The following TXNDC9 variants were observed in gnomAD, a reference collection of about 807,000 sequenced individuals.
TXNDC9 encodes thioredoxin domain containing 9, also known as thioredoxin domain-containing protein 9.
Under a neutral mutation model 23.0 loss-of-function variants are expected in TXNDC9, and 7 were observed. The ratio of observed to expected loss-of-function variants is 0.30; its 90% confidence interval spans 0.17 to 0.57. TXNDC9 has a LOEUF of 0.57. Ranked by LOEUF, TXNDC9 falls within the 20% of genes least tolerant of loss-of-function variation. TXNDC9 has a pLI of 0.90. For synonymous variants in TXNDC9, 72 were observed against 90.6 expected, an observed-to-expected ratio of 0.79 and a Z score of 1.17; for missense variants, 198 against 252.6, an observed-to-expected ratio of 0.78 and a Z score of 1.47.
chr2:99,306,689 T>C, the TXNDC9 span: 1 of 403,554 alleles, frequency 2.5e-6, no homozygotes, highest in Non-Finnish European at 5.1e-6. Context: ...ATCCAGCCGA[T>C]CATCTCTCCC....
At chr2:99,309,240 G>A in the TXNDC9 span, among the ~76,000 whole-genome samples, 1 of 151,550 alleles carries the variant, frequency 6.6e-6, no homozygotes, top group Non-Finnish European at 1.5e-5. Context: ...GGGCGTGGTG[G>A]CACACGATTG....
the TXNDC9 span, among the ~76,000 whole-genome samples, chr2:99,312,579 C>T: frequency 6.6e-6 from 1 of 151,426 alleles, no homozygotes; most frequent in Non-Finnish European, 1.5e-5. Flanking sequence ...AGAGAGGTGG[C>T]ACTACTGTGA....
the TXNDC9 span, among the ~76,000 whole-genome samples, chr2:99,310,544 TATGTA>T: frequency 6.6e-6 from 1 of 152,198 alleles, no homozygotes; most frequent in East Asian, 1.9e-4. Context: ...CCCTGGAACC[TATGTA>T]CATGTTAAGT....
intron 3 of TXNDC9, 28 bp downstream of exon 3, chr2:99,327,507 A>G (rs1293082989): frequency 6.7e-7 from 1 of 1,500,872 alleles, no homozygotes. Flanking sequence ...GTTTTTTTAG[A>G]AAAAGTCACA....
rs778993325 is a variant in TXNDC9 at position 99,333,101 on chromosome 2, T to C, written c.110A>G (p.Asp37Gly). Residue 37 changes from aspartate (D) to glycine (G), a missense_variant, in exon 2 of 5, where the codon GAT becomes GGT. Physicochemically the swap from Asp to Gly is moderately conservative, Grantham distance 94 (BLOSUM62 -1). Coordinates refer to ENST00000264255, the MANE Select transcript of TXNDC9 (RefSeq NM_005783.4). ...EHLDSEIQKLDQMDEDELERL... is the reference protein window; with the variant it reads ...EHLDSEIQKLGQMDEDELERL... ...TTCCAATTCATCCTCATCCATCTGA[T>C]CCAGTTTTTGAATTTCAGAATCCAA... 56 of 1,614,058 alleles carry C rather than the reference T, an allele frequency of 3.5e-5. No homozygotes were observed. The highest frequency in any genetic ancestry group is 4.6e-5 in the Non-Finnish European group (54 of 1,180,030).
chr2:99,307,161 C>T, the TXNDC9 span, among the ~76,000 whole-genome samples: 1 of 141,938 alleles, frequency 7.0e-6, no homozygotes, highest in Admixed American at 7.2e-5. Context: ...TTACCTAACC[C>T]ACATTCCCAG....
chr2:99,308,945 G>A, the TXNDC9 span, among the ~76,000 whole-genome samples: 7 of 151,984 alleles, frequency 4.6e-5, no homozygotes, highest in East Asian at 3.9e-4. Flanking sequence ...CTCGTGATCC[G>A]CCCGCCTCGG....
At chr2:99,318,729 T>A (rs2094195113), downstream of TXNDC9, among the ~76,000 whole-genome samples, 1 of 152,202 alleles carries the variant, frequency 6.6e-6, no homozygotes, top group Non-Finnish European at 1.5e-5. Context: ...ATTCTCAGTC[T>A]GATATTCCTG....
At chr2:99,322,764 AT>A in intron 3 of TXNDC9, 1 of 1,345,722 alleles carries the variant, frequency 7.4e-7, no homozygotes. Context: ...TAACTTTTTT[AT>A]TTTTTATTTT....
Position 99,327,078 on chromosome 2 carries a change from T to C in TXNDC9, c.308+457A>G, listed in dbSNP as rs577261281. The stretch of plus-strand genomic sequence containing the variant: ...TTTAAAATAACAATTAACTTTTTTT[T>C]TCTTTCTTTTTTGAGATGGAGTCTC... On this transcript the variant is annotated intron_variant, in intron 3 of 4. Transcript: ENST00000264255. Among the ~76,000 whole-genome samples the C allele has an allele frequency of 2.1e-3, 321 of 152,318 alleles. 3 individuals are homozygous for C. The highest frequency in any genetic ancestry group is 7.4e-3 in the African/African-American group (308 of 41,564).
At chr2:99,308,515 T>C in the TXNDC9 span, among the ~76,000 whole-genome samples, 6 of 152,252 alleles carry the variant, frequency 3.9e-5, no homozygotes, top group East Asian at 9.6e-4. Context: ...ACTATTTTAA[T>C]TTTAGGCCTG....
downstream of TXNDC9, among the ~76,000 whole-genome samples, chr2:99,314,676 GCA>G (rs2094184573): frequency 6.6e-6 from 1 of 150,848 alleles, no homozygotes; most frequent in South Asian, 2.1e-4. Context: ...TACTACAGGC[GCA>G]TGCCACCACG....
chr2:99,333,292 A>G, intron 1 of TXNDC9, 50 bp from the exon 2 acceptor site: 1 of 1,463,732 alleles, frequency 6.8e-7, no homozygotes, highest in East Asian at 2.5e-5. Context: ...AACAATAAGC[A>G]AGGTTTTCTC....
At chr2:99,315,097 C>T (rs1384773453), downstream of TXNDC9, among the ~76,000 whole-genome samples, 1 of 148,734 alleles carries the variant, frequency 6.7e-6, no homozygotes, top group African/African-American at 2.5e-5. Flanking sequence ...GAGTCTCACT[C>T]TGTCACCCAG....
chr2:99,327,777 TTTTG>T (rs1369406103), intron 2 of TXNDC9, 124 bp from the exon 3 acceptor site: 94 of 595,100 alleles, frequency 1.6e-4, no homozygotes, highest in Admixed American at 9.3e-4. Context: ...AAAGTTTTTT[TTTTG>T]TTTGTTTTTG....
At chr2:99,314,672 A>G (rs1242290165), downstream of TXNDC9, among the ~76,000 whole-genome samples, 3 of 151,118 alleles carry the variant, frequency 2.0e-5, no homozygotes, top group South Asian at 2.1e-4. Context: ...CTGGTACTAC[A>G]GGCGCATGCC....
downstream of TXNDC9, among the ~76,000 whole-genome samples, chr2:99,315,317 G>A (rs917163786): frequency 1.3e-5 from 2 of 152,024 alleles, no homozygotes; most frequent in East Asian, 1.9e-4. Context: ...TGCCCGCCTT[G>A]GCCTCCCAAA....
At chr2:99,306,646 G>A in the TXNDC9 span, 6 of 362,276 alleles carry the variant, frequency 1.7e-5, no homozygotes, top group East Asian at 8.4e-5. Flanking sequence ...TTTGGAACAT[G>A]CTGTAGGTCC....
Position 99,333,146 on chromosome 2 carries a change from G to A in TXNDC9, c.65C>T (p.Thr22Ile). The part of the protein sequence containing the change: ...KVLEHQLLQT[T>I]KLVEEHLDSE... Reference sequence around the variant, plus strand: ...ATCCAAATGTTCTTCCACCAGTTTGGTAGTCTGAAGCAGCTGATGCTCCAG... The same window carrying A: ...ATCCAAATGTTCTTCCACCAGTTTGATAGTCTGAAGCAGCTGATGCTCCAG... Residue 22 changes from threonine to isoleucine, a missense_variant, in exon 2 of 5, where the codon ACC becomes ATC. Thr to Ile is a moderately conservative substitution (Grantham distance 89). Coordinates refer to ENST00000264255, the MANE Select transcript of TXNDC9 (RefSeq NM_005783.4). 5.6e-6 allele frequency: 9 copies of A among 1,614,104 alleles called. No homozygotes were observed. The highest frequency in any genetic ancestry group is 7.6e-6 in the Non-Finnish European group (9 of 1,180,022).
Sources: gnomAD v4.1 joint callset for allele counts (sites outside exome capture counted in the v4.1 genomes callset) on GRCh38, gnomAD v4.1.1 for gene constraint, MANE v1.5 for transcripts, NCBI Gene and HGNC (gene_info 2026-07-23, HGNC 2026-07-21) for gene names.